The following ZBBX variants were observed in gnomAD, a reference collection of about 807,000 sequenced individuals.
ZBBX encodes the protein zinc finger B-box domain containing.
A neutral mutation model predicts 108.5 loss-of-function variants in ZBBX; 101 were observed. That is an observed-to-expected ratio of 0.93 (90% confidence interval 0.79 to 1.10). The LOEUF (loss-of-function observed/expected upper bound fraction) is 1.10, where lower values mean the gene tolerates loss of function less well. Ranked by LOEUF, ZBBX falls within the 50% of genes least tolerant of loss-of-function variation. The pLI is 0.00. For synonymous variants in ZBBX, 356 were observed against 323.4 expected, an observed-to-expected ratio of 1.10 and a Z score of -1.08; for missense variants, 1,009 against 941.4, an observed-to-expected ratio of 1.07 and a Z score of -0.94.
At chr3:167,215,390 A>G in the ZBBX span, among the ~76,000 whole-genome samples, 120 of 152,298 alleles carry the variant, frequency 7.9e-4, 1 homozygote, top group Admixed American at 1.6e-3. Flanking sequence ...AGTTATGGAT[A>G]TATTCCTGGA....
the ZBBX span, among the ~76,000 whole-genome samples, chr3:167,196,278 A>G: frequency 2.0e-5 from 3 of 152,218 alleles, no homozygotes; most frequent in Non-Finnish European, 4.4e-5. Flanking sequence ...AACCAATTCT[A>G]TTTCATCAAG....
the ZBBX span, among the ~76,000 whole-genome samples, chr3:167,187,272 C>T: frequency 6.6e-6 from 1 of 152,118 alleles, no homozygotes; most frequent in East Asian, 1.9e-4. Context: ...AGTGAGAAAT[C>T]CATCTTTGAC....
chr3:167,273,504 C>A (rs890655797), intron 20 of ZBBX, among the ~76,000 whole-genome samples: 1 of 152,178 alleles, frequency 6.6e-6, no homozygotes, highest in Admixed American at 6.5e-5. Context: ...CTTCGGTCTT[C>A]TGCTCATTTC....
chr3:167,362,898 C>T (rs915969906), intron 6 of ZBBX, among the ~76,000 whole-genome samples: 1 of 151,910 alleles, frequency 6.6e-6, no homozygotes, highest in African/African-American at 2.4e-5. Context: ...ACTTCAGCAA[C>T]CTGCTCGGTA....
chr3:167,252,146 C>T, intron 20 of ZBBX: 1 of 1,289,170 alleles, frequency 7.8e-7, no homozygotes, highest in East Asian at 5.5e-5. Flanking sequence ...TATTTTCTGT[C>T]TTATTCTCCC....
chr3:167,378,466 T>C (rs1009891406), intron 2 of ZBBX, among the ~76,000 whole-genome samples: 2 of 152,204 alleles, frequency 1.3e-5, no homozygotes, highest in Non-Finnish European at 2.9e-5. Context: ...TTTAAAGTCA[T>C]AAGATCTTTG....
At chr3:167,336,275 T>A (rs953905613) in intron 9 of ZBBX, among the ~76,000 whole-genome samples, 2 of 152,018 alleles carry the variant, frequency 1.3e-5, no homozygotes, top group Non-Finnish European at 2.9e-5. Flanking sequence ...CCACATTTTT[T>A]ATGCTAAAAA....
At chr3:167,273,888 T>G (rs2108485672) in intron 20 of ZBBX, among the ~76,000 whole-genome samples, 1 of 152,300 alleles carries the variant, frequency 6.6e-6, no homozygotes, top group Non-Finnish European at 1.5e-5. Context: ...GCTGCAGGAT[T>G]TGAATCATTA....
intron 1 of ZBBX, among the ~76,000 whole-genome samples, chr3:167,406,005 G>T (rs1748572409): frequency 6.6e-6 from 1 of 152,190 alleles, no homozygotes; most frequent in South Asian, 2.1e-4. Context: ...GGCAGAGGTT[G>T]CAGTGAGCCG....
At chr3:167,388,055 C>T (rs1255998121) in intron 1 of ZBBX, among the ~76,000 whole-genome samples, 2 of 151,960 alleles carry the variant, frequency 1.3e-5, no homozygotes, top group Middle Eastern at 6.8e-3. Context: ...AAATATACAC[C>T]GGTTTTAGTT....
intron 17 of ZBBX, among the ~76,000 whole-genome samples, chr3:167,298,925 G>C (rs901923144): frequency 5.3e-5 from 8 of 152,022 alleles, no homozygotes; most frequent in African/African-American, 1.9e-4. Context: ...CACTCATCAT[G>C]AAGCAAATAT....
At chr3:167,280,281 CA>C (rs879821838) in intron 20 of ZBBX, among the ~76,000 whole-genome samples, 166 of 130,360 alleles carry the variant, frequency 1.3e-3, no homozygotes, top group East Asian at 1.6e-3. Context: ...TTCTGCACAG[CA>C]AAAAAAAAAA....
the ZBBX span, among the ~76,000 whole-genome samples, chr3:167,226,984 T>C: frequency 6.6e-6 from 1 of 151,772 alleles, no homozygotes; most frequent in Non-Finnish European, 1.5e-5. Flanking sequence ...ACAATGGATA[T>C]ATGATATGAG....
intron 20 of ZBBX, among the ~76,000 whole-genome samples, chr3:167,279,984 A>G (rs949504105): frequency 6.6e-6 from 1 of 151,924 alleles, no homozygotes; most frequent in Non-Finnish European, 1.5e-5. Context: ...CCTGACAAAA[A>G]CAAGCAATGG....
At chr3:167,295,760 A>ATATATATATAT (rs1731586030) in intron 18 of ZBBX, among the ~76,000 whole-genome samples, 1 of 6,650 alleles carries the variant, frequency 1.5e-4, no homozygotes, top group Admixed American at 2.0e-3. Flanking sequence ...TATATATATA[A>ATATATATATAT]AAAAAACTAG....
the ZBBX span, among the ~76,000 whole-genome samples, chr3:167,197,761 A>G: frequency 2.0e-4 from 30 of 152,202 alleles, no homozygotes; most frequent in African/African-American, 7.2e-4. Flanking sequence ...TATTAAAGAT[A>G]ATAGTCATCA....
chr3:167,270,461 T>C (rs1726324446), intron 20 of ZBBX, among the ~76,000 whole-genome samples: 1 of 152,202 alleles, frequency 6.6e-6, no homozygotes, highest in Non-Finnish European at 1.5e-5. Flanking sequence ...AAGAAAGGCT[T>C]ATGACTGCCC....
intron 20 of ZBBX, among the ~76,000 whole-genome samples, chr3:167,257,392 C>T (rs1190540433): frequency 6.6e-6 from 1 of 151,974 alleles, no homozygotes; most frequent in African/African-American, 2.4e-5. Flanking sequence ...GATTTGGATG[C>T]CCTTTACTTC....
At chr3:167,197,212 T>C in the ZBBX span, among the ~76,000 whole-genome samples, 1 of 152,144 alleles carries the variant, frequency 6.6e-6, no homozygotes, top group Admixed American at 6.5e-5. Context: ...TATACAAAAA[T>C]CTACTAGAGC....
Sources: allele counts gnomAD v4.1 joint callset (sites outside exome capture counted in the v4.1 genomes callset), GRCh38; gene constraint gnomAD v4.1.1; transcripts MANE v1.5; gene names NCBI Gene and HGNC (gene_info 2026-07-23, HGNC 2026-07-21).